The following UVRAG variants were observed in gnomAD, a reference collection of about 807,000 sequenced individuals.
The protein encoded by UVRAG is UV radiation resistance associated.
In UVRAG, 19 loss-of-function variants were observed where a neutral mutation model predicts 78.0. The observed-to-expected ratio is 0.24, with a 90% confidence interval of 0.17 to 0.36. UVRAG has a LOEUF of 0.36. Among genes scored for constraint, UVRAG ranks in the 10% least tolerant of loss-of-function variants. The pLI, the probability that UVRAG is intolerant of heterozygous loss-of-function variation, is 1.00. For synonymous variants in UVRAG, 323 were observed against 324.6 expected (o/e 1.00, Z 0.05); for missense variants, 740 against 853.8 (o/e 0.87, Z 1.66).
At chr11:75,819,718 C>G (rs543644391) in intron 1 of UVRAG, among the ~76,000 whole-genome samples, 1 of 151,712 alleles carries the variant, frequency 6.6e-6, no homozygotes, top group South Asian at 2.1e-4. Context: ...CCTCTAATAC[C>G]AGCACTTTGG....
chr11:76,110,283 A>T (rs1352872416), intron 13 of UVRAG, among the ~76,000 whole-genome samples: 1 of 150,988 alleles, frequency 6.6e-6, no homozygotes, highest in South Asian at 2.1e-4. Flanking sequence ...GATGTACCAG[A>T]TATTATTTTG....
intron 1 of UVRAG, among the ~76,000 whole-genome samples, chr11:75,819,110 A>C (rs1441428249): frequency 6.6e-6 from 1 of 152,164 alleles, no homozygotes; most frequent in East Asian, 1.9e-4. Context: ...TTATTGACTC[A>C]TTTATTTCAA....
chr11:76,133,125 G>A (rs1165868264), intron 14 of UVRAG, among the ~76,000 whole-genome samples: 7 of 152,210 alleles, frequency 4.6e-5, no homozygotes, highest in East Asian at 3.9e-4. Flanking sequence ...AATCCATAGC[G>A]CTTTATAAAT....
At chr11:76,075,551 G>A (rs148766596) in intron 13 of UVRAG, among the ~76,000 whole-genome samples, 224 of 151,996 alleles carry the variant, frequency 1.5e-3, no homozygotes, top group Middle Eastern at 6.8e-3. Flanking sequence ...CCTGGGAGGC[G>A]GAGGTTGCAT....
intron 8 of UVRAG, among the ~76,000 whole-genome samples, chr11:75,993,855 C>G (rs1354530278): frequency 6.6e-6 from 1 of 151,962 alleles, no homozygotes; most frequent in East Asian, 1.9e-4. Context: ...AGCTTTCGGT[C>G]ATGGTGGAAG....
At chr11:75,824,938 G>T (rs1000100588) in intron 1 of UVRAG, among the ~76,000 whole-genome samples, 1 of 152,124 alleles carries the variant, frequency 6.6e-6, no homozygotes, top group Admixed American at 6.5e-5. Context: ...CTCCCAATGT[G>T]CTGGGATTAC....
At chr11:75,951,499 C>T (rs1427923677) in intron 6 of UVRAG, among the ~76,000 whole-genome samples, 1 of 152,140 alleles carries the variant, frequency 6.6e-6, no homozygotes, top group Non-Finnish European at 1.5e-5. Flanking sequence ...TCTTCTGCCT[C>T]AGCCTCCCAA....
chr11:75,972,925 T>C (rs1949153038), intron 7 of UVRAG, among the ~76,000 whole-genome samples: 1 of 152,182 alleles, frequency 6.6e-6, no homozygotes, highest in Non-Finnish European at 1.5e-5. Flanking sequence ...GGTGTTTTTT[T>C]GTTTTGTTTG....
intron 13 of UVRAG, among the ~76,000 whole-genome samples, chr11:76,092,404 A>G (rs930631161): frequency 2.0e-5 from 3 of 152,220 alleles, no homozygotes; most frequent in Admixed American, 2.0e-4. Context: ...ATCCTTGAGG[A>G]ATCGCCACAC....
chr11:75,818,101 A>C (rs1945301874), intron 1 of UVRAG, among the ~76,000 whole-genome samples: 1 of 151,608 alleles, frequency 6.6e-6, no homozygotes, highest in Non-Finnish European at 1.5e-5. Context: ...CCCCCCAAAA[A>C]CCCCAAAATT....
intron 7 of UVRAG, among the ~76,000 whole-genome samples, chr11:75,971,349 A>T (rs1301427254): frequency 6.6e-6 from 1 of 152,212 alleles, no homozygotes; most frequent in Non-Finnish European, 1.5e-5. Flanking sequence ...TTCAGTATCC[A>T]GGTTAATATA....
intron 7 of UVRAG, among the ~76,000 whole-genome samples, chr11:75,968,601 G>A (rs921802862): frequency 3.3e-5 from 5 of 152,158 alleles, no homozygotes; most frequent in Non-Finnish European, 7.4e-5. Flanking sequence ...GTAGTATTTA[G>A]ATTAACTTGT....
At chr11:76,023,286 G>T (rs550644706) in intron 12 of UVRAG, among the ~76,000 whole-genome samples, 2 of 152,238 alleles carry the variant, frequency 1.3e-5, no homozygotes, top group Non-Finnish European at 2.9e-5. Context: ...AGGCCCTTCA[G>T]GTTTTTTCTG....
chr11:75,950,632 T>C (rs968022804), intron 6 of UVRAG, among the ~76,000 whole-genome samples: 2 of 152,168 alleles, frequency 1.3e-5, no homozygotes, highest in Non-Finnish European at 2.9e-5. Context: ...CACACAGGTT[T>C]CCAAAGTAGT....
At chr11:76,029,548 A>G (rs569855867) in intron 12 of UVRAG, among the ~76,000 whole-genome samples, 1 of 152,162 alleles carries the variant, frequency 6.6e-6, no homozygotes, top group Non-Finnish European at 1.5e-5. Context: ...GTTGATTCCA[A>G]CCCTCATGGA....
chr11:76,115,948 A>T lies in UVRAG; in HGVS notation c.1330A>T (p.Thr444Ser), dbSNP rs373459488. The change falls in exon 14 of 15, where the codon ACT becomes TCT. Residue 444 changes from threonine (T) to serine (S), a missense_variant. Thr to Ser is a moderately conservative substitution (Grantham distance 58). Transcript: ENST00000356136. ...AQLRYQHGLG[T>S]PDLRQTLPNL... ...GCTAAGATATCAACATGGACTAGGGACTCCAGACTTGCGGCAAACCCTTCC... is the reference window on the plus strand; with the variant it reads ...GCTAAGATATCAACATGGACTAGGGTCTCCAGACTTGCGGCAAACCCTTCC... 42 of 1,613,742 alleles carry T rather than the reference A, an allele frequency of 2.6e-5. No individual in the cohort carries two copies. The highest frequency in any genetic ancestry group is 4.0e-5 in the African/African-American group (3 of 74,866).
intron 4 of UVRAG, among the ~76,000 whole-genome samples, chr11:75,884,806 C>G (rs1467180650): frequency 6.6e-6 from 1 of 152,056 alleles, no homozygotes; most frequent in East Asian, 1.9e-4. Context: ...TAAAATGTGT[C>G]TAGAATTCAG....
At position 75,901,622 on chromosome 11, in the gene UVRAG, T is replaced by G. The variant is rs374411744; in HGVS notation, c.508-10332T>G. 7.9e-5 allele frequency among the ~76,000 whole-genome samples: 12 copies of G among 152,326 alleles called. No individual in the cohort carries two copies. The East Asian group carries it at 1.5e-3, about 20-fold the overall frequency. On this transcript the variant is annotated intron_variant, in intron 5 of 14. Transcript: ENST00000356136. ...ACATAGAGTTGTCCTGAGTCCCTTC[T>G]TCTGTGTTTCCATCACTACTGATGG... is the stretch of plus-strand genomic sequence containing the variant.
chr11:75,830,734 C>T (rs1206629116), intron 1 of UVRAG, among the ~76,000 whole-genome samples: 1 of 152,198 alleles, frequency 6.6e-6, no homozygotes, highest in Non-Finnish European at 1.5e-5. Context: ...TTTTTAACCT[C>T]TGTGTGCCTC....
Sources: gnomAD v4.1 joint callset for allele counts (sites outside exome capture counted in the v4.1 genomes callset) on GRCh38, gnomAD v4.1.1 for gene constraint, MANE v1.5 for transcripts, NCBI Gene and HGNC (gene_info 2026-07-23, HGNC 2026-07-21) for gene names.